Variants in CCSER1 observed in about 807,000 individuals in gnomAD.
CCSER1 encodes the protein coiled-coil serine rich protein 1, also known as serine-rich coiled-coil domain-containing protein 1.
CCSER1 carries 41 observed loss-of-function variants against 82.0 expected under a neutral mutation model. The observed-to-expected ratio is 0.50, with a 90% CI of 0.39 to 0.65. CCSER1 has a LOEUF of 0.65. Ranked by LOEUF, CCSER1 falls within the 30% of genes least tolerant of loss-of-function variation. CCSER1 has a pLI of 0.00. For missense variants in CCSER1, 1,119 were observed against 1,064.2 expected (o/e 1.05, Z -0.72); for synonymous variants, 414 against 383.9 (o/e 1.08, Z -0.92).
At chr4:90,274,688 CT>C (rs1355370673) in intron 1 of CCSER1, among the ~76,000 whole-genome samples, 1 of 151,926 alleles carries the variant, frequency 6.6e-6, no homozygotes, top group African/African-American at 2.4e-5. Flanking sequence ...CTGTATTTTT[CT>C]TTTGCAAAAT....
At chr4:91,176,592 G>T (rs536077838) in intron 10 of CCSER1, among the ~76,000 whole-genome samples, 201 of 152,174 alleles carry the variant, frequency 1.3e-3, no homozygotes, top group African/African-American at 4.6e-3. Context: ...TTGTGAAAGG[G>T]AGTTCACTCA....
intron 10 of CCSER1, among the ~76,000 whole-genome samples, chr4:91,530,233 AAT>A (rs1238108665): frequency 8.5e-5 from 13 of 152,230 alleles, no homozygotes; most frequent in African/African-American, 2.9e-4. Flanking sequence ...AAAACTAGTG[AAT>A]ATGTGACAGG....
At chr4:91,158,979 T>C (rs1191281413) in intron 10 of CCSER1, among the ~76,000 whole-genome samples, 1 of 151,940 alleles carries the variant, frequency 6.6e-6, no homozygotes, top group East Asian at 1.9e-4. Flanking sequence ...GCCTCCTTAT[T>C]CTCTCACTCT....
chr4:91,210,258 A>C (rs1172505880), intron 10 of CCSER1, among the ~76,000 whole-genome samples: 1 of 150,498 alleles, frequency 6.6e-6, no homozygotes, highest in Admixed American at 6.7e-5. Flanking sequence ...TTATTATATT[A>C]TATATAACAT....
At chr4:90,198,751 G>A (rs183283498) in intron 1 of CCSER1, among the ~76,000 whole-genome samples, 10 of 152,160 alleles carry the variant, frequency 6.6e-5, no homozygotes, top group South Asian at 2.1e-4. Flanking sequence ...AAACCCATCC[G>A]TCCAAAAAGA....
intron 5 of CCSER1, among the ~76,000 whole-genome samples, chr4:90,554,816 TA>T: frequency 6.6e-6 from 1 of 152,178 alleles, no homozygotes; most frequent in Non-Finnish European, 1.5e-5. Context: ...ATCTGAGAAG[TA>T]AAATGTAATG....
intron 5 of CCSER1, among the ~76,000 whole-genome samples, chr4:90,487,087 T>C (rs1306630807): frequency 6.6e-6 from 1 of 152,130 alleles, no homozygotes; most frequent in Non-Finnish European, 1.5e-5. Context: ...AATTTTTGTA[T>C]TTTTAGTAGA....
intron 1 of CCSER1, among the ~76,000 whole-genome samples, chr4:90,305,290 A>T (rs1442050446): frequency 2.0e-5 from 3 of 152,154 alleles, no homozygotes; most frequent in African/African-American, 7.2e-5. Context: ...ATATACATAA[A>T]TTTGAGTATT....
At position 91,552,596 on chromosome 4, in the gene CCSER1, G is replaced by C. The variant is rs1293980253; in HGVS notation, c.2218-45976G>C. ...CTTATATATGACAAAAGGAACTACA[G>C]TAGTTCATTTTATACACTGGAAGAT... is the stretch of plus-strand genomic sequence containing the variant. On this transcript the variant is annotated intron_variant, in intron 10 of 10. Transcript: ENST00000509176. Among the ~76,000 whole-genome samples the C allele has an allele frequency of 2.0e-5, 3 of 151,604 alleles. No homozygotes were observed. In the East Asian group the frequency reaches 5.8e-4, roughly 29 times the overall value.
At chr4:90,916,511 A>G (rs1425119988) in intron 8 of CCSER1, among the ~76,000 whole-genome samples, 1 of 152,148 alleles carries the variant, frequency 6.6e-6, no homozygotes, top group Admixed American at 6.6e-5. Flanking sequence ...ACAAAAATTA[A>G]TTCAAGATGG....
At chr4:91,481,856 A>C (rs1452411072) in intron 10 of CCSER1, among the ~76,000 whole-genome samples, 1 of 152,160 alleles carries the variant, frequency 6.6e-6, no homozygotes, top group African/African-American at 2.4e-5. Flanking sequence ...AATGGGAGAA[A>C]ATTTTTGCAA....
At chr4:90,757,592 G>A (rs934144084) in intron 7 of CCSER1, among the ~76,000 whole-genome samples, 1 of 152,148 alleles carries the variant, frequency 6.6e-6, no homozygotes, top group Admixed American at 6.5e-5. Flanking sequence ...TCTACGTAGT[G>A]CTCCAGAATC....
chr4:90,565,096 G>A (rs112196404), intron 5 of CCSER1, among the ~76,000 whole-genome samples: 1 of 150,806 alleles, frequency 6.6e-6, no homozygotes, highest in Admixed American at 6.6e-5. Context: ...TGTTAAATCT[G>A]TAGGTTACTT....
chr4:90,257,766 C>T (rs1339433598), intron 1 of CCSER1, among the ~76,000 whole-genome samples: 2 of 152,098 alleles, frequency 1.3e-5, no homozygotes, highest in African/African-American at 4.8e-5. Flanking sequence ...GAATCTGAGT[C>T]TGAAGACAGG....
intron 8 of CCSER1, among the ~76,000 whole-genome samples, chr4:90,917,793 C>T (rs1727726453): frequency 6.6e-6 from 1 of 151,828 alleles, no homozygotes; most frequent in South Asian, 2.1e-4. Flanking sequence ...TCTCTTTGTC[C>T]CACCTAATTT....
At chr4:90,605,812 G>A (rs1784630394) in intron 5 of CCSER1, among the ~76,000 whole-genome samples, 1 of 151,634 alleles carries the variant, frequency 6.6e-6, no homozygotes, top group Non-Finnish European at 1.5e-5. Flanking sequence ...TGAAAGTTTT[G>A]TATATTTTTT....
intron 1 of CCSER1, among the ~76,000 whole-genome samples, chr4:90,215,972 T>C (rs531665928): frequency 4.6e-5 from 7 of 152,252 alleles, no homozygotes; most frequent in Admixed American, 3.3e-4. Flanking sequence ...GTTCTGTATG[T>C]ACGTGGATAA....
intron 10 of CCSER1, among the ~76,000 whole-genome samples, chr4:91,454,720 T>G (rs77540646): frequency 0.11 from 16,560 of 152,012 alleles, 1,068 homozygotes; most frequent in Middle Eastern, 0.2. Context: ...CTGTAACAGT[T>G]TATTCAAGAG....
intron 1 of CCSER1, among the ~76,000 whole-genome samples, chr4:90,255,028 A>G (rs1189263164): frequency 6.6e-6 from 1 of 151,662 alleles, no homozygotes; most frequent in African/African-American, 2.4e-5. Context: ...TTATGAACAT[A>G]TTGATTCTAC....
Sources: allele counts gnomAD v4.1 joint callset (sites outside exome capture counted in the v4.1 genomes callset), GRCh38; gene constraint gnomAD v4.1.1; transcripts MANE v1.5; gene names NCBI Gene and HGNC (gene_info 2026-07-23, HGNC 2026-07-21).